The following GNPDA2 variants were observed in gnomAD, a reference collection of about 807,000 sequenced individuals.
GNPDA2 encodes glucosamine-6-phosphate deaminase 2, also known as glcN6P deaminase 2.
GNPDA2 carries 24 observed loss-of-function variants against 27.0 expected under a neutral mutation model. That is an observed-to-expected ratio of 0.89 (90% CI 0.64 to 1.25). The LOEUF (loss-of-function observed/expected upper bound fraction) is 1.25, where lower values mean the gene tolerates loss of function less well. GNPDA2 is among the 50% of genes most tolerant of loss of function. GNPDA2 has a pLI of 0.00. For missense variants in GNPDA2, 286 were observed against 335.1 expected, an observed-to-expected ratio of 0.85 and a Z score of 1.14; for synonymous variants, 94 against 108.4, an observed-to-expected ratio of 0.87 and a Z score of 0.83.
rs1246823815 is a variant in GNPDA2 at position 44,711,086 on chromosome 4, A to G, written c.461T>C (p.Val154Ala). 2.5e-6 allele frequency: 4 copies of G among 1,611,720 alleles called. No homozygotes were observed. The highest frequency in any genetic ancestry group is 3.4e-5 in the Admixed American group (2 of 59,484). ...IAFNEPGSSL[V>A]SRTRLKTLAM... ...TAGAGTCTTTAATCTTGTCCTTGAC[A>G]CTAAACTGGATCCAGGCTCATTGAA... The change falls in exon 5 of 7, where the codon GTG becomes GCG. Residue 154 changes from valine to alanine, a missense_variant. Coordinates refer to ENST00000295448, the MANE Select transcript of GNPDA2 (RefSeq NM_138335.3).
At chr4:44,721,275 T>C (rs916256364) in intron 2 of GNPDA2, among the ~76,000 whole-genome samples, 1 of 152,152 alleles carries the variant, frequency 6.6e-6, no homozygotes, top group Non-Finnish European at 1.5e-5. Flanking sequence ...TATAAATTTA[T>C]AGACTACAGT....
chr4:44,702,681 CAATGAT>C lies in GNPDA2; in HGVS notation c.*394_*399del. The C allele has an allele frequency of 8.7e-6, 9 of 1,029,066 alleles. No homozygotes were observed. Among genetic ancestry groups the C allele is most frequent in the Non-Finnish European group, 1.0e-5 (9 of 859,310 alleles). The allele number at this position is 1,029,066 out of a possible 1,614,324, so 63.7% of individuals were successfully genotyped here. On this transcript the variant is annotated 3_prime_UTR_variant, in exon 7 of 7. Coordinates refer to ENST00000295448, the MANE Select transcript of GNPDA2 (RefSeq NM_138335.3). ...ATTGCATTCCAAAAGTGAAGGTCTG[CAATGAT>C]AGTTTGTTATCTGAAAGGTTTGGAG...
rs1456343809 is a variant in GNPDA2 at position 44,707,809 on chromosome 4, C to T, written c.712G>A (p.Val238Ile). ...AFQQHPRTIF[V>I]CDEDATLELR... is the part of the protein sequence containing the mutation. ...TCTAAAGTAGCATCTTCATCGCATA[C>T]AAAAATAGTCCGGGGATGCTGCTGG... Residue 238 changes from valine to isoleucine, a missense_variant, in exon 6 of 7, where the codon GTA becomes ATA. Val to Ile is a conservative substitution (Grantham distance 29, BLOSUM62 3). Transcript: ENST00000295448. 5.0e-6 allele frequency: 8 copies of T among 1,613,330 alleles called. No homozygotes were observed. The highest frequency in any genetic ancestry group is 2.2e-5 in the South Asian group (2 of 91,040).
At chr4:44,715,541 G>A (rs1008967133) in intron 4 of GNPDA2, among the ~76,000 whole-genome samples, 2 of 152,004 alleles carry the variant, frequency 1.3e-5, no homozygotes, top group Non-Finnish European at 2.9e-5. Flanking sequence ...AGATTTTGGT[G>A]TGGAGCTTAG....
In GNPDA2 at chr4:44,709,800, C is replaced by CAAA. The variant is rs36001584; in HGVS notation, c.594+1150_594+1152dup. Among the ~76,000 whole-genome samples, 1,246 of 145,386 alleles carry CAAA rather than the reference C, an allele frequency of 8.6e-3. 14 individuals carry two copies. Among genetic ancestry groups the CAAA allele is most frequent in the African/African-American group, 0.027 (1,069 of 38,964 alleles). On this transcript the variant is annotated intron_variant, in intron 5 of 6. Transcript: ENST00000295448. ...CAACACAGTGAGACCTTGTCACTTC[C>CAAA]AAAAAAAAAAAAATGAAAAATTGAA... is the stretch of plus-strand genomic sequence containing the variant.
chr4:44,720,568 G>C (rs932830058), intron 2 of GNPDA2, among the ~76,000 whole-genome samples: 2 of 152,236 alleles, frequency 1.3e-5, no homozygotes, highest in South Asian at 2.1e-4. Context: ...AAGGTCACGT[G>C]AGTAAATATA....
Position 44,702,441 on chromosome 4 carries a change from TA to T in GNPDA2, c.*639del. ...TCGTTAAATAAAAATAAGATATTTG[TA>T]AAAAAGTGCTATAGAAGAAGGTGCA... On this transcript the variant is annotated 3_prime_UTR_variant, in exon 7 of 7. Coordinates refer to ENST00000295448, the MANE Select transcript of GNPDA2 (RefSeq NM_138335.3). The T allele has an allele frequency of 1.0e-6, 1 of 976,110 alleles. No individual in the cohort carries two copies. Among genetic ancestry groups the T allele is most frequent in the Non-Finnish European group, 1.2e-6 (1 of 821,242 alleles). The allele number at this position is 976,110 out of a possible 1,614,324, so 60.5% of individuals were successfully genotyped here.
In GNPDA2 at chr4:44,702,404, C is replaced by T; in HGVS notation, c.*677G>A. On this transcript the variant is annotated 3_prime_UTR_variant, in exon 7 of 7. Transcript: ENST00000295448. ...ATTGTCAAGATACTTATATTAGGGA[C>T]ATGAACCCAAGTCGTTAAATAAAAA... 1 of 972,122 alleles carries T rather than the reference C, an allele frequency of 1.0e-6. No individual in the cohort carries two copies. Among genetic ancestry groups the T allele is most frequent in the Middle Eastern group, 5.3e-4 (1 of 1,886 alleles). 60.2% of individuals were successfully genotyped at this position (972,122 alleles called of 1,614,324 possible).
chr4:44,714,690 C>T, intron 4 of GNPDA2: 1 of 983,760 alleles, frequency 1.0e-6, no homozygotes, highest in Non-Finnish European at 1.2e-6. Flanking sequence ...TTGTAAGACC[C>T]AGATGCCAAT....
rs147692924 is a variant in GNPDA2, at chr4:44,710,131, G to C, written c.594+822C>G. ...CTTTTTTCAACTTATTGACTATGAA[G>C]TTTCAGTCCTTGAAAGGTCTTTTAT... On this transcript the variant is annotated intron_variant, in intron 5 of 6. Transcript: ENST00000295448. Among the ~76,000 whole-genome samples, 24 of 152,092 alleles carry C rather than the reference G, an allele frequency of 1.6e-4. No individual in the cohort carries two copies. In the East Asian group the frequency reaches 4.4e-3, roughly 28 times the overall value.
rs1293136957 is a variant in GNPDA2 at position 44,710,940 on chromosome 4, A to G, written c.594+13T>C. On this transcript the variant is annotated intron_variant, in intron 5 of 6. Coordinates refer to ENST00000295448, the MANE Select transcript of GNPDA2 (RefSeq NM_138335.3). The stretch of plus-strand genomic sequence containing the variant: ...CATGAAAAGAAAGACAGCAAAGAAT[A>G]TTTAATGCTTACTTCTCTAGCATCC... 2 of 1,557,276 alleles carry G rather than the reference A, an allele frequency of 1.3e-6. No individual in the cohort carries two copies. Among genetic ancestry groups the G allele is most frequent in the South Asian group, 1.2e-5 (1 of 81,882 alleles).
Position 44,725,558 on chromosome 4 carries a change from G to A in GNPDA2, c.-36+916C>T, listed in dbSNP as rs560045741. ...TCTCACTGAAACGAAGTTTAAGCAA[G>A]TCTCTCAGACCAAGGTACAGGCAAC... On this transcript the variant is annotated intron_variant, in intron 1 of 6. Transcript: ENST00000295448. Among the ~76,000 whole-genome samples the A allele has an allele frequency of 2.4e-3, 365 of 152,292 alleles. 2 individuals carry two copies. Among genetic ancestry groups the A allele is most frequent in the Non-Finnish European group, 4.3e-3 (293 of 68,020 alleles).
In GNPDA2 at chr4:44,720,565, C is replaced by T. The variant is rs533656620; in HGVS notation, c.124+1519G>A. ...TTAAATGTCAAGCTCATTAAGGTCA[C>T]GTGAGTAAATATAAAATTGAACAGA... is the stretch of plus-strand genomic sequence containing the variant. On this transcript the variant is annotated intron_variant, in intron 2 of 6. Coordinates refer to ENST00000295448, the MANE Select transcript of GNPDA2 (RefSeq NM_138335.3). Among the ~76,000 whole-genome samples, 12 of 152,132 alleles carry T rather than the reference C, an allele frequency of 7.9e-5. No individual in the cohort carries two copies. The East Asian group carries it at 1.2e-3, about 15-fold the overall frequency.
chr4:44,721,802 A>G (rs910293150), intron 2 of GNPDA2, among the ~76,000 whole-genome samples: 2 of 152,152 alleles, frequency 1.3e-5, no homozygotes, highest in African/African-American at 4.8e-5. Flanking sequence ...ACAAAGGACT[A>G]CTAGAAAAAT....
In GNPDA2 at chr4:44,710,936, G is replaced by A. The variant is rs762998394; in HGVS notation, c.594+17C>T. On this transcript the variant is annotated intron_variant, in intron 5 of 6. Transcript: ENST00000295448. ...TTAACATGAAAAGAAAGACAGCAAA[G>A]AATATTTAATGCTTACTTCTCTAGC... 2.0e-6 allele frequency: 3 copies of A among 1,537,362 alleles called. No homozygotes were observed. The highest frequency in any genetic ancestry group is 4.2e-5 in the Admixed American group (2 of 47,700).
At chr4:44,711,343 T>C (rs966651345) in intron 4 of GNPDA2, among the ~76,000 whole-genome samples, 7 of 152,198 alleles carry the variant, frequency 4.6e-5, no homozygotes, top group African/African-American at 1.4e-4. Flanking sequence ...ATGATTCTAA[T>C]AGTAAAATTA....
chr4:44,707,430 G>C (rs1236997891), intron 6 of GNPDA2: 2 of 347,050 alleles, frequency 5.8e-6, no homozygotes, highest in Admixed American at 4.6e-5. Context: ...AAGAAATCCA[G>C]AATGGACAAA....
chr4:44,707,819 C>T lies in GNPDA2; in HGVS notation c.702G>A (p.Arg234=). Residue 234 remains arginine, a synonymous_variant, in exon 6 of 7, where the codon CGG becomes CGA. Transcript: ENST00000295448. ...WTVSAFQQHP[R]TIFVCDEDAT... ...CATCTTCATCGCATACAAAAATAGT[C>T]CGGGGATGCTGCTGGAAAGCGGAAA... The T allele has an allele frequency of 1.9e-6, 3 of 1,613,328 alleles. No homozygotes were observed. The highest frequency in any genetic ancestry group is 2.5e-6 in the Non-Finnish European group (3 of 1,179,572).
At chr4:44,705,178 A>G (rs555762881) in intron 6 of GNPDA2, 2 of 983,240 alleles carry the variant, frequency 2.0e-6, no homozygotes, top group Admixed American at 6.2e-5. Context: ...TGGAATTTGA[A>G]GAGTTATGGA....
Sources: allele counts gnomAD v4.1 joint callset (sites outside exome capture counted in the v4.1 genomes callset), GRCh38; gene constraint gnomAD v4.1.1; transcripts MANE v1.5; gene names NCBI Gene and HGNC (gene_info 2026-07-23, HGNC 2026-07-21).